AKAP6: variants seen among roughly 807,000 people sequenced by gnomAD.
AKAP6 encodes the protein A-kinase anchor protein 6.
Under a neutral mutation model 188.5 loss-of-function variants are expected in AKAP6, and 58 were observed. That is an observed-to-expected ratio of 0.31 (90% CI 0.25 to 0.38). The LOEUF (loss-of-function observed/expected upper bound fraction) is 0.38. Ranked by LOEUF, AKAP6 falls within the 10% of genes least tolerant of loss-of-function variation. The pLI is 1.00. For missense variants in AKAP6, 2,710 were observed against 2,740.0 expected (o/e 0.99, Z 0.24); for synonymous variants, 989 against 998.6 (o/e 0.99, Z 0.18).
intron 3 of AKAP6, among the ~76,000 whole-genome samples, chr14:32,542,144 G>A (rs779669935): frequency 6.6e-6 from 1 of 152,022 alleles, no homozygotes; most frequent in Non-Finnish European, 1.5e-5. Context: ...TATAGATGAA[G>A]GAAATAAAGC....
intron 8 of AKAP6, among the ~76,000 whole-genome samples, chr14:32,694,039 T>C (rs1015899945): frequency 2.6e-5 from 4 of 152,118 alleles, no homozygotes; most frequent in Admixed American, 6.6e-5. Flanking sequence ...ATTTCACATA[T>C]ATGCTGGAGG....
chr14:32,499,699 T>G (rs1170266712), intron 2 of AKAP6, among the ~76,000 whole-genome samples: 2 of 151,852 alleles, frequency 1.3e-5, no homozygotes, highest in Non-Finnish European at 2.9e-5. Context: ...TTTATTAATC[T>G]TATCATTGGT....
At chr14:32,805,750 G>A (rs1346809069) in intron 12 of AKAP6, among the ~76,000 whole-genome samples, 1 of 152,068 alleles carries the variant, frequency 6.6e-6, no homozygotes, top group East Asian at 1.9e-4. Flanking sequence ...TAATATTTTA[G>A]GTCTGTTGTT....
intron 1 of AKAP6, among the ~76,000 whole-genome samples, chr14:32,400,307 T>C (rs568647176): frequency 9.9e-5 from 15 of 151,482 alleles, no homozygotes; most frequent in Admixed American, 6.6e-5. Flanking sequence ...AGAATCTCAG[T>C]TTTATCACCC....
At chr14:32,441,097 C>T (rs549125912) in intron 2 of AKAP6, among the ~76,000 whole-genome samples, 4 of 152,290 alleles carry the variant, frequency 2.6e-5, no homozygotes, top group Admixed American at 1.3e-4. Context: ...TGATCCTAGA[C>T]TTTCCAGCCT....
chr14:32,750,888 CCA>C (rs2032106610), intron 11 of AKAP6, among the ~76,000 whole-genome samples: 1 of 151,718 alleles, frequency 6.6e-6, no homozygotes, highest in Non-Finnish European at 1.5e-5. Context: ...GCGCCTGCCA[CCA>C]TGCCCGGCTA....
At chr14:32,663,591 T>C (rs917787357) in intron 7 of AKAP6, among the ~76,000 whole-genome samples, 9 of 151,968 alleles carry the variant, frequency 5.9e-5, no homozygotes, top group African/African-American at 2.2e-4. Context: ...ATGAAGAAGA[T>C]AGGAGGAGAA....
At chr14:32,587,479 C>G (rs1339274423) in intron 5 of AKAP6, among the ~76,000 whole-genome samples, 2 of 152,028 alleles carry the variant, frequency 1.3e-5, no homozygotes, top group African/African-American at 4.8e-5. Flanking sequence ...AGGGAGTTTG[C>G]TTACTTAGAC....
intron 2 of AKAP6, among the ~76,000 whole-genome samples, chr14:32,468,638 A>C (rs1226854268): frequency 1.3e-5 from 2 of 152,168 alleles, no homozygotes; most frequent in Non-Finnish European, 2.9e-5. Flanking sequence ...ACAAAAGCGC[A>C]AATCAGGATT....
chr14:32,703,089 CTT>C (rs1428687301), intron 9 of AKAP6, among the ~76,000 whole-genome samples: 3 of 152,048 alleles, frequency 2.0e-5, no homozygotes, highest in Admixed American at 6.6e-5. Context: ...TTATCAAAAA[CTT>C]GTGAAAACTA....
intron 1 of AKAP6, 103 bp from the exon 2 acceptor site, chr14:32,433,357 A>T: frequency 1.2e-6 from 1 of 814,192 alleles, no homozygotes; most frequent in East Asian, 2.7e-5. Context: ...CTTAATTTAG[A>T]AATCTGGCTT....
chr14:32,564,951 TAA>T (rs1324004461), intron 4 of AKAP6, among the ~76,000 whole-genome samples: 2 of 152,194 alleles, frequency 1.3e-5, no homozygotes, highest in African/African-American at 2.4e-5. Context: ...TGTTTATGTT[TAA>T]AGAGTTTCAC....
intron 1 of AKAP6, among the ~76,000 whole-genome samples, chr14:32,372,438 T>C (rs1332522000): frequency 6.6e-6 from 1 of 152,134 alleles, no homozygotes; most frequent in Non-Finnish European, 1.5e-5. Context: ...TCAGACGTAG[T>C]GTTTGTAATG....
chr14:32,548,712 G>T (rs572780565), intron 4 of AKAP6, among the ~76,000 whole-genome samples: 2 of 152,254 alleles, frequency 1.3e-5, no homozygotes, highest in South Asian at 4.1e-4. Context: ...AAGCTGAGAC[G>T]CAAACTCACG....
intron 12 of AKAP6, among the ~76,000 whole-genome samples, chr14:32,791,134 G>C (rs1452112631): frequency 5.9e-5 from 9 of 152,146 alleles, no homozygotes; most frequent in Non-Finnish European, 1.3e-4. Context: ...GTATAACTCA[G>C]TAATGGGATT....
chr14:32,585,511 T>A (rs1345717119), intron 5 of AKAP6, among the ~76,000 whole-genome samples: 1 of 152,138 alleles, frequency 6.6e-6, no homozygotes, highest in African/African-American at 2.4e-5. Context: ...TGTGTGTGTG[T>A]GTGTATGTAC....
chr14:32,472,307 T>A (rs557172771), intron 2 of AKAP6, among the ~76,000 whole-genome samples: 2 of 152,000 alleles, frequency 1.3e-5, no homozygotes, highest in East Asian at 1.9e-4. Context: ...TGAGGGCAAG[T>A]CCCAGGGAGG....
Position 32,822,370 on chromosome 14 carries a change from A to T in AKAP6, c.4557A>T (p.Gln1519His), listed in dbSNP as rs757733738. 6 of 1,613,876 alleles carry T rather than the reference A, an allele frequency of 3.7e-6. No homozygotes were observed. The highest frequency in any genetic ancestry group is 3.4e-6 in the Non-Finnish European group (4 of 1,179,950). Residue 1519 changes from glutamine to histidine, a missense_variant, in exon 13 of 14, where the codon CAA becomes CAT. By Grantham distance (24) the Gln-to-His change is conservative (BLOSUM62 0). Coordinates refer to ENST00000280979, the MANE Select transcript of AKAP6 (RefSeq NM_004274.5). ...CTAAACATCAGACTACAGAGTTACAACCAGATGTACCTCCCCATGAAAGGA... is the reference window on the plus strand; with the variant it reads ...CTAAACATCAGACTACAGAGTTACATCCAGATGTACCTCCCCATGAAAGGA... ...CKSKHQTTEL[Q>H]PDVPPHERIL...
chr14:32,690,317 G>C (rs757954084), intron 8 of AKAP6, among the ~76,000 whole-genome samples: 1 of 151,984 alleles, frequency 6.6e-6, no homozygotes, highest in African/African-American at 2.4e-5. Context: ...AAACTTTATC[G>C]TTTAAGCAAA....
Sources: gnomAD v4.1 joint callset for allele counts (sites outside exome capture counted in the v4.1 genomes callset) on GRCh38, gnomAD v4.1.1 for gene constraint, MANE v1.5 for transcripts, NCBI Gene and HGNC (gene_info 2026-07-23, HGNC 2026-07-21) for gene names.